The following RAB22A variants were observed in gnomAD, a reference collection of about 807,000 sequenced individuals.
The protein encoded by RAB22A is ras-related protein Rab-22A.
Under a neutral mutation model 30.2 loss-of-function variants are expected in RAB22A, and 13 were observed. The ratio of observed to expected loss-of-function variants is 0.43; its 90% confidence interval spans 0.28 to 0.68. The LOEUF is 0.68. RAB22A is among the 30% of genes least tolerant of loss of function. The pLI is 0.18. For synonymous variants in RAB22A, 89 were observed against 87.2 expected (o/e 1.02, Z -0.11); for missense variants, 177 against 246.8 (o/e 0.72, Z 1.89).
intron 2 of RAB22A, among the ~76,000 whole-genome samples, chr20:58,329,342 G>A (rs771925353): frequency 2.0e-5 from 3 of 152,120 alleles, no homozygotes; most frequent in South Asian, 2.1e-4. Flanking sequence ...CATGAGCCAC[G>A]GCACCTGGCT....
At chr20:58,310,100 C>G (rs1280986136) in intron 1 of RAB22A, 88 bp downstream of exon 1, 1 of 1,186,182 alleles carries the variant, frequency 8.4e-7, no homozygotes, top group Non-Finnish European at 1.1e-6. Flanking sequence ...ATCCCTTCCC[C>G]CCTCCCACGT....
intron 3 of RAB22A, among the ~76,000 whole-genome samples, chr20:58,351,876 G>T (rs1987056358): frequency 6.6e-6 from 1 of 152,180 alleles, no homozygotes; most frequent in Admixed American, 6.5e-5. Flanking sequence ...CTGAACTGCT[G>T]AACCTTCCAC....
intron 5 of RAB22A, 65 bp downstream of exon 5, chr20:58,353,603 C>T: frequency 7.7e-7 from 1 of 1,303,714 alleles, no homozygotes; most frequent in Admixed American, 2.0e-5. Flanking sequence ...AAGCAATATC[C>T]AGTTTAAGAA....
chr20:58,367,452 T>C lies in RAB22A; in HGVS notation c.*7749T>C, dbSNP rs1213310975. The stretch of plus-strand genomic sequence containing the variant: ...GAGTATAACATGCTAAATCACTGTT[T>C]TGTTGTAAGAAGGGTGTAAACATTT... On this transcript the variant is annotated 3_prime_UTR_variant, in exon 7 of 7. Coordinates refer to ENST00000244040, the MANE Select transcript of RAB22A (RefSeq NM_020673.3). 5 of 152,654 alleles carry C rather than the reference T, an allele frequency of 3.3e-5. No individual in the cohort carries two copies. In the East Asian group the frequency reaches 9.6e-4, roughly 29 times the overall value. 9.5% of individuals were successfully genotyped at this position (152,654 alleles called of 1,614,324 possible). A position where few individuals can be genotyped will look rare whatever the true frequency, so the allele number is the denominator to read the frequency against.
At chr20:58,353,564 A>C (rs749627774) in intron 5 of RAB22A, 26 bp downstream of exon 5, 1 of 1,493,522 alleles carries the variant, frequency 6.7e-7, no homozygotes, top group Admixed American at 1.7e-5. Flanking sequence ...GAGAGATTAC[A>C]ATACCTATTA....
Position 58,366,995 on chromosome 20 carries a change from A to G in RAB22A, c.*7292A>G, listed in dbSNP as rs1328328912. ...TGTCATGCCTTCTCAAGACCTGATG[A>G]AAGGAATAAGATATTTGTGCCTTTT... On this transcript the variant is annotated 3_prime_UTR_variant, in exon 7 of 7. Transcript: ENST00000244040. 6.6e-6 allele frequency: 1 copy of G among 152,618 alleles called. No individual in the cohort carries two copies. Among genetic ancestry groups the G allele is most frequent in the Admixed American group, 6.5e-5 (1 of 15,278 alleles). The allele number at this position is 152,618 out of a possible 1,614,324, so 9.5% of individuals were successfully genotyped here. A position where few individuals can be genotyped will look rare whatever the true frequency, so the allele number is the denominator to read the frequency against.
Position 58,341,806 on chromosome 20 carries a change from C to T in RAB22A, c.117-1912C>T, listed in dbSNP as rs6092634. Reference sequence around the variant, plus strand: ...ATCCTGTCATAATTATTGTGTATACCTTTCTCAGCTTTTTGTCTACTTGAA... The same window carrying T: ...ATCCTGTCATAATTATTGTGTATACTTTTCTCAGCTTTTTGTCTACTTGAA... On this transcript the variant is annotated intron_variant, in intron 2 of 6. Transcript: ENST00000244040. Among the ~76,000 whole-genome samples, 1,131 of 152,158 alleles carry T rather than the reference C, an allele frequency of 7.4e-3. 17 individuals carry two copies. The highest frequency in any genetic ancestry group is 0.024 in the African/African-American group (1,011 of 41,494).
intron 3 of RAB22A, 119 bp from the exon 4 acceptor site, chr20:58,353,154 A>T (rs1273840747): frequency 6.3e-6 from 6 of 956,460 alleles, no homozygotes; most frequent in Non-Finnish European, 9.3e-6. Flanking sequence ...GCAGCATGTC[A>T]TTTTCTTGGC....
At chr20:58,322,172 C>T (rs930131176) in intron 2 of RAB22A, among the ~76,000 whole-genome samples, 6 of 152,142 alleles carry the variant, frequency 3.9e-5, no homozygotes, top group Admixed American at 2.0e-4. Flanking sequence ...GTAAGAGTGC[C>T]GTTCTGAATT....
chr20:58,342,023 A>AAATAAT (rs1000394666), intron 2 of RAB22A, among the ~76,000 whole-genome samples: 2 of 152,158 alleles, frequency 1.3e-5, no homozygotes, highest in Non-Finnish European at 1.5e-5. Flanking sequence ...AGCTGCCTTT[A>AAATAAT]AATAATAATA....
At chr20:58,325,917 T>A (rs1986562163) in intron 2 of RAB22A, among the ~76,000 whole-genome samples, 1 of 152,208 alleles carries the variant, frequency 6.6e-6, no homozygotes, top group Non-Finnish European at 1.5e-5. Flanking sequence ...CCTGCCTTTA[T>A]AAGTTACTAA....
At chr20:58,337,303 A>G (rs893038788) in intron 2 of RAB22A, among the ~76,000 whole-genome samples, 4 of 152,102 alleles carry the variant, frequency 2.6e-5, no homozygotes, top group East Asian at 1.9e-4. Context: ...TTCATCTTCA[A>G]GGCCCGTCAT....
chr20:58,326,936 A>C (rs1481826148), intron 2 of RAB22A, among the ~76,000 whole-genome samples: 2 of 152,072 alleles, frequency 1.3e-5, no homozygotes, highest in Admixed American at 1.3e-4. Context: ...AGTAAGTTTG[A>C]TGTTAGTTAT....
intron 2 of RAB22A, among the ~76,000 whole-genome samples, chr20:58,338,060 CT>C (rs1986790523): frequency 1.3e-5 from 2 of 151,736 alleles, no homozygotes; most frequent in South Asian, 4.2e-4. Flanking sequence ...GGATCTCGCT[CT>C]TGTCGCCCAG....
chr20:58,313,429 C>T (rs1986270992), intron 2 of RAB22A, among the ~76,000 whole-genome samples: 1 of 152,090 alleles, frequency 6.6e-6, no homozygotes, highest in Admixed American at 6.6e-5. Flanking sequence ...TCATGAGTTA[C>T]CCTGTTTCTT....
At position 58,363,588 on chromosome 20, in the gene RAB22A, C is replaced by A. The variant is rs1987265635; in HGVS notation, c.*3885C>A. ...TCTGTAATGAAAGTTCAGTGACAAACTAGATAGTGAACCTGTGAAAGTCAT... is the reference window on the plus strand; with the variant it reads ...TCTGTAATGAAAGTTCAGTGACAAAATAGATAGTGAACCTGTGAAAGTCAT... On this transcript the variant is annotated 3_prime_UTR_variant, in exon 7 of 7. Coordinates refer to ENST00000244040, the MANE Select transcript of RAB22A (RefSeq NM_020673.3). 1 of 152,116 alleles carries A rather than the reference C, an allele frequency of 6.6e-6. No homozygotes were observed. Among genetic ancestry groups the A allele is most frequent in the Non-Finnish European group, 1.5e-5 (1 of 68,028 alleles). The allele number at this position is 152,116 out of a possible 1,614,324, so 9.4% of individuals were successfully genotyped here.
chr20:58,312,805 T>A (rs1473632047), intron 2 of RAB22A, among the ~76,000 whole-genome samples: 2 of 152,146 alleles, frequency 1.3e-5, no homozygotes, highest in Non-Finnish European at 2.9e-5. Flanking sequence ...TCTGCTTTTT[T>A]AAACCCTGTG....
intron 2 of RAB22A, among the ~76,000 whole-genome samples, chr20:58,323,708 G>A (rs147655828): frequency 6.0e-4 from 89 of 148,484 alleles, no homozygotes; most frequent in African/African-American, 2.1e-3. Context: ...GGGCTCAAGT[G>A]ATCCTCCTGC....
At position 58,363,736 on chromosome 20, in the gene RAB22A, C is replaced by G. The variant is rs1987268548; in HGVS notation, c.*4033C>G. 6.6e-6 allele frequency: 1 copy of G among 152,132 alleles called. No individual in the cohort carries two copies. Among genetic ancestry groups the G allele is most frequent in the African/African-American group, 2.4e-5 (1 of 41,434 alleles). 9.4% of individuals were successfully genotyped at this position (152,132 alleles called of 1,614,324 possible). On this transcript the variant is annotated 3_prime_UTR_variant, in exon 7 of 7. Coordinates refer to ENST00000244040, the MANE Select transcript of RAB22A (RefSeq NM_020673.3). ...GTACCTTCAGGGGTCAAGCTGTTAACTGTATACCTGCCTCTAGTTAGCTTG... is the reference window on the plus strand; with the variant it reads ...GTACCTTCAGGGGTCAAGCTGTTAAGTGTATACCTGCCTCTAGTTAGCTTG...
Sources: allele counts gnomAD v4.1 joint callset (sites outside exome capture counted in the v4.1 genomes callset), GRCh38; gene constraint gnomAD v4.1.1; transcripts MANE v1.5; gene names NCBI Gene and HGNC (gene_info 2026-07-23, HGNC 2026-07-21).